Variants in NUP62CL observed in about 807,000 individuals in gnomAD.
NUP62CL encodes nucleoporin 62 C-terminal like, also known as nucleoporin-62 C-terminal-like protein.
In NUP62CL, 13 loss-of-function variants were observed where a neutral mutation model predicts 15.3. The observed-to-expected ratio is 0.85, with a 90% CI of 0.55 to 1.35. NUP62CL has a LOEUF of 1.35. Ranked by LOEUF, NUP62CL falls within the 40% of genes most tolerant of loss-of-function variation. The pLI, the probability that NUP62CL is intolerant of heterozygous loss-of-function variation, is 0.00. For missense variants in NUP62CL, 123 were observed against 130.6 expected, an observed-to-expected ratio of 0.94 and a Z score of 0.28; for synonymous variants, 54 against 49.2, an observed-to-expected ratio of 1.10 and a Z score of -0.41.
intron 4 of NUP62CL, among the ~76,000 whole-genome samples, chrX:107,165,096 G>A (rs1328306744): frequency 9.0e-6 from 1 of 110,638 alleles, no homozygotes; most frequent in African/African-American, 3.3e-5. Flanking sequence ...GCGAGACTCC[G>A]TCTCAAACAA....
intron 8 of NUP62CL, among the ~76,000 whole-genome samples, chrX:107,125,716 A>G (rs1056659032): frequency 8.0e-5 from 9 of 111,908 alleles, no homozygotes; most frequent in African/African-American, 2.6e-4. Flanking sequence ...GATGAGCACT[A>G]CAACAAACCA....
intron 8 of NUP62CL, among the ~76,000 whole-genome samples, chrX:107,144,293 A>C (rs1925840469): frequency 9.0e-6 from 1 of 111,532 alleles, no homozygotes; most frequent in Non-Finnish European, 1.9e-5. Flanking sequence ...CCTACATTAC[A>C]ATTGTTTTAA....
intron 4 of NUP62CL, among the ~76,000 whole-genome samples, chrX:107,166,635 T>C (rs1417730311): frequency 8.9e-6 from 1 of 112,223 alleles, no homozygotes; most frequent in Admixed American, 9.4e-5. Flanking sequence ...CACCAGCTTT[T>C]TTCATAATAT....
At chrX:107,170,344 G>A (rs1473004741) in intron 3 of NUP62CL, among the ~76,000 whole-genome samples, 3 of 108,864 alleles carry the variant, frequency 2.8e-5, no homozygotes, top group African/African-American at 1.0e-4. Flanking sequence ...TGTACGAATT[G>A]TTTTTACCTA....
intron 2 of NUP62CL, among the ~76,000 whole-genome samples, chrX:107,177,933 A>T (rs1926822828): frequency 9.0e-6 from 1 of 111,695 alleles, no homozygotes; most frequent in South Asian, 3.8e-4. Flanking sequence ...TTCAAAATAG[A>T]CAAAAGGTAG....
intron 7 of NUP62CL, among the ~76,000 whole-genome samples, chrX:107,150,699 A>C (rs751580312): frequency 8.9e-6 from 1 of 112,020 alleles, no homozygotes; most frequent in African/African-American, 3.2e-5. Context: ...GGGTCTCACT[A>C]TGTTGCCCAG....
chrX:107,176,564 T>A (rs1220488419), intron 2 of NUP62CL, among the ~76,000 whole-genome samples: 1 of 109,275 alleles, frequency 9.2e-6, no homozygotes, highest in East Asian at 2.8e-4. Flanking sequence ...TAGGGTTTTT[T>A]TTTTTGTCGG....
chrX:107,144,745 G>A (rs1464531153), intron 8 of NUP62CL, among the ~76,000 whole-genome samples: 1 of 111,314 alleles, frequency 9.0e-6, no homozygotes, highest in Non-Finnish European at 1.9e-5. Context: ...TAGGTAAGTG[G>A]TTTTTGGTGA....
intron 4 of NUP62CL, among the ~76,000 whole-genome samples, chrX:107,161,690 G>A: frequency 1.2e-5 from 1 of 80,738 alleles, no homozygotes; most frequent in South Asian, 7.9e-4. Flanking sequence ...ATGAGTTAGT[G>A]GGTGCAGCGC....
At chrX:107,176,221 A>G (rs745360752) in intron 2 of NUP62CL, among the ~76,000 whole-genome samples, 1 of 111,727 alleles carries the variant, frequency 9.0e-6, no homozygotes, top group South Asian at 3.8e-4. Context: ...TGGGAGGTAA[A>G]CAATTAAGAG....
intron 8 of NUP62CL, among the ~76,000 whole-genome samples, chrX:107,137,151 TG>T (rs1309186037): frequency 1.8e-5 from 2 of 112,165 alleles, no homozygotes; most frequent in Non-Finnish European, 3.8e-5. Context: ...TTATGTCAAT[TG>T]CTACAGAAAA....
chrX:107,179,508 T>C (rs899818439), intron 2 of NUP62CL, among the ~76,000 whole-genome samples: 2 of 111,635 alleles, frequency 1.8e-5, no homozygotes, highest in African/African-American at 6.5e-5. Flanking sequence ...CATGAGAACA[T>C]GCAATATTTG....
At chrX:107,163,597 C>T (rs1367386522) in intron 4 of NUP62CL, among the ~76,000 whole-genome samples, 3 of 111,463 alleles carry the variant, frequency 2.7e-5, no homozygotes, top group Admixed American at 9.5e-5. Context: ...AACAATATAC[C>T]GTCTATAAGA....
intron 8 of NUP62CL, among the ~76,000 whole-genome samples, chrX:107,128,559 C>A (rs1323503963): frequency 3.6e-5 from 4 of 111,718 alleles, no homozygotes; most frequent in Non-Finnish European, 5.6e-5. Context: ...CAAATAACTG[C>A]AATATTATAT....
rs768497229 is a variant in NUP62CL, at chrX:107,185,422, G to C, written c.-48+7607C>G. Among the ~76,000 whole-genome samples the C allele has an allele frequency of 3.6e-5, 4 of 110,931 alleles. No homozygotes were observed. In the South Asian group the frequency reaches 1.5e-3, roughly 42 times the overall value. ...TCTGATATGGCTCTAAATATATGTAGAGGAAATAGTCAAGACAATTACATT... is the reference window on the plus strand; with the variant it reads ...TCTGATATGGCTCTAAATATATGTACAGGAAATAGTCAAGACAATTACATT... On this transcript the variant is annotated intron_variant, in intron 2 of 8. Transcript: ENST00000372466.
chrX:107,142,903 G>C (rs763376908), intron 8 of NUP62CL, among the ~76,000 whole-genome samples: 28 of 111,853 alleles, frequency 2.5e-4, no homozygotes, highest in African/African-American at 8.4e-4. Context: ...TAACAAGAGG[G>C]GAAACTGGTA....
At chrX:107,125,932 T>C (rs1205070788) in intron 8 of NUP62CL, among the ~76,000 whole-genome samples, 1 of 112,088 alleles carries the variant, frequency 8.9e-6, no homozygotes, top group Non-Finnish European at 1.9e-5. Context: ...TGTATTAACA[T>C]ACTTTAAATT....
chrX:107,178,777 C>A (rs1926844111), intron 2 of NUP62CL, among the ~76,000 whole-genome samples: 1 of 111,455 alleles, frequency 9.0e-6, no homozygotes. Context: ...TTAAAATTTA[C>A]ACAGTGCAAT....
At position 107,206,303 on chromosome X, in the gene NUP62CL, C is replaced by G. The variant is rs930329322; in HGVS notation, c.-122G>C. ...TGGCAAGTCGCCGCCGCTCGCTGTCCGGCCCTGAACTATACGGGCAGGCCT... is the reference window on the plus strand; with the variant it reads ...TGGCAAGTCGCCGCCGCTCGCTGTCGGGCCCTGAACTATACGGGCAGGCCT... On this transcript the variant is annotated 5_prime_UTR_variant, in exon 1 of 9. Coordinates refer to ENST00000372466, the MANE Select transcript of NUP62CL (RefSeq NM_017681.3). 2.7e-5 allele frequency: 3 copies of G among 111,009 alleles called. No individual in the cohort carries two copies. Among genetic ancestry groups the G allele is most frequent in the Non-Finnish European group, 3.8e-5 (2 of 52,964 alleles). The allele number at this position is 111,009 out of a possible 1,213,427, so 9.1% of individuals were successfully genotyped here. A position where few individuals can be genotyped will look rare whatever the true frequency, so the allele number is the denominator to read the frequency against.
Sources: allele counts gnomAD v4.1 joint callset (sites outside exome capture counted in the v4.1 genomes callset), GRCh38; gene constraint gnomAD v4.1.1; transcripts MANE v1.5; gene names NCBI Gene and HGNC (gene_info 2026-07-23, HGNC 2026-07-21).